Variants in CRTAM observed in about 807,000 individuals in gnomAD.
CRTAM encodes the protein cytotoxic and regulatory T cell molecule.
CRTAM carries 44 observed loss-of-function variants against 50.0 expected under a neutral mutation model. That is an observed-to-expected ratio of 0.88 (90% CI 0.69 to 1.13). The LOEUF is 1.13. CRTAM is among the 50% of genes most tolerant of loss of function. The probability of loss-of-function intolerance (pLI) is 0.00; values close to 1 mark genes in which losing one functional copy is unlikely to be tolerated. For synonymous variants in CRTAM, 159 were observed against 169.3 expected, an observed-to-expected ratio of 0.94 and a Z score of 0.47; for missense variants, 448 against 457.5, an observed-to-expected ratio of 0.98 and a Z score of 0.19.
At chr11:122,848,533 G>A (rs771718842) in intron 1 of CRTAM, among the ~76,000 whole-genome samples, 1 of 152,126 alleles carries the variant, frequency 6.6e-6, no homozygotes, top group African/African-American at 2.4e-5. Flanking sequence ...ACAGTTTCCC[G>A]TGAAAGCTTA....
At chr11:122,845,229 G>A (rs549650558) in intron 1 of CRTAM, among the ~76,000 whole-genome samples, 301 of 152,288 alleles carry the variant, frequency 2.0e-3, no homozygotes, top group Non-Finnish European at 3.2e-3. Context: ...ATCATATATG[G>A]CGAAGGAACA....
chr11:122,843,558 G>C (rs1408006633), intron 1 of CRTAM, among the ~76,000 whole-genome samples: 1 of 152,162 alleles, frequency 6.6e-6, no homozygotes, highest in Admixed American at 6.5e-5. Flanking sequence ...TAGGAAGTAG[G>C]TGTATGGCAC....
chr11:122,853,868 A>T (rs1012753548), intron 3 of CRTAM, 75 bp from the exon 4 acceptor site: 12 of 1,399,426 alleles, frequency 8.6e-6, no homozygotes, highest in Non-Finnish European at 9.8e-6. Context: ...TCACCTACAG[A>T]TTATTAGCCT....
intron 4 of CRTAM, among the ~76,000 whole-genome samples, chr11:122,855,091 A>G (rs1306986560): frequency 6.6e-6 from 1 of 152,082 alleles, no homozygotes; most frequent in Non-Finnish European, 1.5e-5. Context: ...TTACAGGTGC[A>G]TGCCACAACA....
rs941921224 is a variant in CRTAM at position 122,842,936 on chromosome 11, G to A, written c.46+4344G>A. On this transcript the variant is annotated intron_variant, in intron 1 of 9. Coordinates refer to ENST00000227348, the MANE Select transcript of CRTAM (RefSeq NM_019604.4). ...CATGTAGAGTTTGGGGTCTTTGCAG[G>A]ACAGGCTTGCTCTGCTCTGGTTTTA... Among the ~76,000 whole-genome samples, 5 of 152,298 alleles carry A rather than the reference G, an allele frequency of 3.3e-5. No homozygotes were observed. In the East Asian group the frequency reaches 9.6e-4, roughly 29 times the overall value.
intron 9 of CRTAM, among the ~76,000 whole-genome samples, 189 bp from the exon 10 acceptor site, chr11:122,871,080 A>G (rs980413722): frequency 6.6e-6 from 1 of 152,056 alleles, no homozygotes; most frequent in South Asian, 2.1e-4. Flanking sequence ...ACCTGTCTCA[A>G]AAAAAAACCA....
Position 122,850,193 on chromosome 11 carries a change from AT to A in CRTAM, c.179del (p.Leu60Ter). 6.2e-7 allele frequency: 1 copy of A among 1,608,824 alleles called. No homozygotes were observed. Among genetic ancestry groups the A allele is most frequent in the Non-Finnish European group, 8.5e-7 (1 of 1,176,574 alleles). ...GTGGCTGACCCCCTCAGGGTTCACC[AT>A]TTTTTTAAATGAGTATCCTGGTAAG... The part of the protein sequence containing the change: ...LQWLTPSGFT[I>X]FLNEYPALKN... On this transcript the variant is annotated frameshift_variant, in exon 2 of 10. Transcript: ENST00000227348. LOFTEE classifies it high-confidence loss of function.
intron 1 of CRTAM, among the ~76,000 whole-genome samples, chr11:122,846,596 T>G (rs1425060205): frequency 5.3e-5 from 8 of 152,188 alleles, no homozygotes; most frequent in African/African-American, 1.9e-4. Context: ...CCATAAATTT[T>G]ATTATTTCAC....
chr11:122,845,846 T>G (rs914033806), intron 1 of CRTAM, among the ~76,000 whole-genome samples: 2 of 152,142 alleles, frequency 1.3e-5, no homozygotes, highest in African/African-American at 4.8e-5. Context: ...CTGATGAGAA[T>G]GACAGTTTTT....
At chr11:122,839,463 C>T (rs1481096331) in intron 1 of CRTAM, among the ~76,000 whole-genome samples, 4 of 152,166 alleles carry the variant, frequency 2.6e-5, no homozygotes, top group South Asian at 4.1e-4. Context: ...ATGAAAACTT[C>T]GTGTTTATTT....
At chr11:122,848,130 C>G (rs908655363) in intron 1 of CRTAM, among the ~76,000 whole-genome samples, 1 of 152,152 alleles carries the variant, frequency 6.6e-6, no homozygotes, top group African/African-American at 2.4e-5. Flanking sequence ...CCACGAATTC[C>G]GAGTTAATTA....
intron 5 of CRTAM, among the ~76,000 whole-genome samples, chr11:122,860,160 A>T (rs3134397): frequency 6.6e-6 from 1 of 151,838 alleles, no homozygotes; most frequent in Non-Finnish European, 1.5e-5. Flanking sequence ...CAATACTCCC[A>T]CCTCAGTCTC....
chr11:122,860,846 A>G (rs1436009455), intron 5 of CRTAM, among the ~76,000 whole-genome samples: 1 of 152,140 alleles, frequency 6.6e-6, no homozygotes, highest in African/African-American at 2.4e-5. Flanking sequence ...TTGGAACTAC[A>G]GGGGCGCACC....
At chr11:122,864,763 AACCT>A in intron 7 of CRTAM, 44 bp downstream of exon 7, 1 of 1,389,792 alleles carries the variant, frequency 7.2e-7, no homozygotes. Context: ...TCGACATTTT[AACCT>A]CTTAATCGAT....
At chr11:122,850,509 A>G (rs1282593861) in intron 2 of CRTAM, among the ~76,000 whole-genome samples, 3 of 152,328 alleles carry the variant, frequency 2.0e-5, no homozygotes, top group Admixed American at 6.5e-5. Context: ...CACTCTCAGT[A>G]ACTATCACAC....
chr11:122,851,201 A>T (rs1861924933), intron 2 of CRTAM, among the ~76,000 whole-genome samples: 3 of 151,868 alleles, frequency 2.0e-5, no homozygotes, highest in South Asian at 4.2e-4. Flanking sequence ...GGGAGATGAC[A>T]GTTGCAGTGA....
At chr11:122,851,559 A>G (rs1861929686) in intron 2 of CRTAM, 134 bp from the exon 3 acceptor site, 4 of 781,228 alleles carry the variant, frequency 5.1e-6, no homozygotes, top group Non-Finnish European at 6.4e-6. Flanking sequence ...CCGTGGAGAT[A>G]GGACAATGTC....
intron 9 of CRTAM, among the ~76,000 whole-genome samples, chr11:122,870,249 T>G (rs1221899225): frequency 1.3e-5 from 2 of 151,854 alleles, no homozygotes; most frequent in East Asian, 3.9e-4. Context: ...CCCAGTTAAT[T>G]TTTATATTTT....
chr11:122,852,197 G>C (rs560081713), intron 3 of CRTAM, among the ~76,000 whole-genome samples: 103 of 152,304 alleles, frequency 6.8e-4, no homozygotes, highest in African/African-American at 2.2e-3. Flanking sequence ...TAAGGAGTTT[G>C]CGCACCAGCT....
Sources: allele counts gnomAD v4.1 joint callset (sites outside exome capture counted in the v4.1 genomes callset), GRCh38; gene constraint gnomAD v4.1.1; transcripts MANE v1.5; gene names NCBI Gene and HGNC (gene_info 2026-07-23, HGNC 2026-07-21).